Variants in RAVER1 observed in about 807,000 individuals in gnomAD.
RAVER1 encodes ribonucleoprotein PTB-binding 1.
RAVER1 carries 36 observed loss-of-function variants against 68.4 expected under a neutral mutation model. The ratio of observed to expected loss-of-function variants is 0.53; its 90% CI spans 0.40 to 0.70. The LOEUF (loss-of-function observed/expected upper bound fraction) is 0.70, where lower values mean the gene tolerates loss of function less well. Ranked by LOEUF, RAVER1 falls within the 30% of genes least tolerant of loss-of-function variation. The pLI is 0.00. For missense variants in RAVER1, 933 were observed against 1,019.8 expected, an observed-to-expected ratio of 0.91 and a Z score of 1.16; for synonymous variants, 469 against 472.7, an observed-to-expected ratio of 0.99 and a Z score of 0.10.
rs2040454916 is a variant in RAVER1, at chr19:10,323,626, G to C, written c.757-60C>G. The C allele has an allele frequency of 2.0e-6, 3 of 1,516,734 alleles. No homozygotes were observed. Among genetic ancestry groups the C allele is most frequent in the Non-Finnish European group, 2.6e-6 (3 of 1,133,102 alleles). The allele number at this position is 1,516,734 out of a possible 1,614,324, so 94.0% of individuals were successfully genotyped here. A position where few individuals can be genotyped will look rare whatever the true frequency, so the allele number is the denominator to read the frequency against. On this transcript the variant is annotated intron_variant, in intron 3 of 12. Transcript: ENST00000617231. This position sits in a 1 kb window ranked among gnomAD's most constrained non-coding sequence, Gnocchi z 6.2. ...GGCAGCAGTGACTGCACCACCCCGG[G>C]AAGTGACAACCGTAACCAGACTCAG... is the stretch of plus-strand genomic sequence containing the variant.
chr19:10,325,719 A>G (rs909795151), intron 3 of RAVER1, among the ~76,000 whole-genome samples: 1 of 152,092 alleles, frequency 6.6e-6, no homozygotes, highest in Admixed American at 6.6e-5. Context: ...AGGCCAAGGT[A>G]GGAGGATTTC....
At chr19:10,320,523 A>C in intron 9 of RAVER1, 132 bp downstream of exon 9, 1 of 764,450 alleles carries the variant, frequency 1.3e-6, no homozygotes. Context: ...AAAAAAAAAA[A>C]AGCAGAGACC....
At position 10,323,332 on chromosome 19, in the gene RAVER1, G is replaced by A; in HGVS notation, c.948+43C>T. ...CGCTGGGGCCCTGACATCCCCATGG[G>A]GCTCCCATCCCCACCCCGCCACCTC... On this transcript the variant is annotated intron_variant, in intron 4 of 12. Coordinates refer to ENST00000617231, the MANE Select transcript of RAVER1 (RefSeq NM_133452.3). This position sits in a 1 kb window ranked among gnomAD's most constrained non-coding sequence, Gnocchi z 6.2. The A allele has an allele frequency of 6.2e-7, 1 of 1,609,792 alleles. No individual in the cohort carries two copies. The highest frequency in any genetic ancestry group is 8.5e-7 in the Non-Finnish European group (1 of 1,178,124).
rs1046077465 is a variant in RAVER1, at chr19:10,318,154, C to G, written c.1989+75G>C. On this transcript the variant is annotated intron_variant, in intron 11 of 12. Transcript: ENST00000617231. ...GCTTTGGCCTGGGCACCGAGGGTTA[C>G]AGAGCCCCGGTGGCAGGCACCCCCA... The G allele has an allele frequency of 6.6e-6, 9 of 1,362,140 alleles. No homozygotes were observed. In the African/African-American group the frequency reaches 1.3e-4, roughly 20 times the overall value. The allele number at this position is 1,362,140 out of a possible 1,614,324, so 84.4% of individuals were successfully genotyped here.
Position 10,317,313 on chromosome 19 carries a change from G to C in RAVER1, c.*141C>G. 1 of 924,918 alleles carries C rather than the reference G, an allele frequency of 1.1e-6. No individual in the cohort carries two copies. The highest frequency in any genetic ancestry group is 1.4e-5 in the South Asian group (1 of 69,286). The allele number at this position is 924,918 out of a possible 1,614,324, so 57.3% of individuals were successfully genotyped here. On this transcript the variant is annotated 3_prime_UTR_variant, in exon 13 of 13. Transcript: ENST00000617231. The surrounding 1 kb of genome is among the most constrained non-coding windows in gnomAD (Gnocchi z 4.3). ...CACCCCTTGGGCTCCTGGGGCTCCG[G>C]CTGATTGGTCAGTAAAGTCTTTCAG...
At position 10,317,646 on chromosome 19, in the gene RAVER1, G is replaced by T; in HGVS notation, c.2073+44C>A. On this transcript the variant is annotated intron_variant, in intron 12 of 12. Coordinates refer to ENST00000617231, the MANE Select transcript of RAVER1 (RefSeq NM_133452.3). This position sits in a 1 kb window ranked among gnomAD's most constrained non-coding sequence, Gnocchi z 4.3. ...GGGGCGGGTCAGGGGCCGCTGGGGGGCCGGGGCTTCCCAGCCCTGCATGTC... is the reference window on the plus strand; with the variant it reads ...GGGGCGGGTCAGGGGCCGCTGGGGGTCCGGGGCTTCCCAGCCCTGCATGTC... 1 of 1,539,132 alleles carries T rather than the reference G, an allele frequency of 6.5e-7. No homozygotes were observed. Among genetic ancestry groups the T allele is most frequent in the African/African-American group, 1.4e-5 (1 of 73,348 alleles).
At chr19:10,318,119 C>G (rs1386104998) in intron 11 of RAVER1, 110 bp downstream of exon 11, 1 of 950,788 alleles carries the variant, frequency 1.1e-6, no homozygotes, top group Non-Finnish European at 1.6e-6. Context: ...CAACCCCTGC[C>G]ACCACCCCAG....
At position 10,322,300 on chromosome 19, in the gene RAVER1, C is replaced by T. The variant is rs969062572; in HGVS notation, c.1173+345G>A. 3 of 311,084 alleles carry T rather than the reference C, an allele frequency of 9.6e-6. No homozygotes were observed. Among genetic ancestry groups the T allele is most frequent in the Middle Eastern group, 9.0e-4 (1 of 1,114 alleles). The allele number at this position is 311,084 out of a possible 1,614,324, so 19.3% of individuals were successfully genotyped here. A position where few individuals can be genotyped will look rare whatever the true frequency, so the allele number is the denominator to read the frequency against. On this transcript the variant is annotated intron_variant, in intron 6 of 12. Transcript: ENST00000617231. This position sits in a 1 kb window ranked among gnomAD's most constrained non-coding sequence, Gnocchi z 4.3. ...TTCCCAGGCATGTCTATAGAGCTTC[C>T]GAGCAGAGTCTATTCACAAACTGGT... is the stretch of plus-strand genomic sequence containing the variant.
At chr19:10,319,077 G>T in intron 10 of RAVER1, 89 bp downstream of exon 10, 2 of 1,208,252 alleles carry the variant, frequency 1.7e-6, no homozygotes, top group East Asian at 2.5e-5. Flanking sequence ...CAAAATACAA[G>T]GTCTGCTGTT....
In RAVER1 at chr19:10,333,281, C is replaced by A. The variant is rs778211823; in HGVS notation, c.219+8G>T. On this transcript the variant is annotated splice_region_variant and intron_variant, in intron 1 of 12. Coordinates refer to ENST00000617231, the MANE Select transcript of RAVER1 (RefSeq NM_133452.3). The surrounding 1 kb of genome is among the most constrained non-coding windows in gnomAD (Gnocchi z 4.2). ...CCCGCCACGCTCCTACACCGCCCCC[C>A]CCAATACCTGGTTGGTCACGTCCCC... The A allele has an allele frequency of 6.2e-6, 10 of 1,612,326 alleles. No individual in the cohort carries two copies. Among genetic ancestry groups the A allele is most frequent in the Admixed American group, 1.7e-5 (1 of 59,930 alleles).
chr19:10,324,427 CG>C (rs768133014), intron 3 of RAVER1, among the ~76,000 whole-genome samples: 26 of 152,154 alleles, frequency 1.7e-4, no homozygotes, highest in Admixed American at 5.2e-4. Flanking sequence ...TCTGTCACCC[CG>C]GAGTGCAGTG....
Position 10,317,937 on chromosome 19 carries a change from C to G in RAVER1, c.1990-164G>C, listed in dbSNP as rs1307200477. ...GCTATAAGACCTAGGGCCAATTGCT[C>G]CATTTTATTTGAGCCTCGGTTTTCT... On this transcript the variant is annotated intron_variant, in intron 11 of 12. Transcript: ENST00000617231. This position sits in a 1 kb window ranked among gnomAD's most constrained non-coding sequence, Gnocchi z 4.3. 6.6e-6 allele frequency among the ~76,000 whole-genome samples: 1 copy of G among 151,698 alleles called. No homozygotes were observed. Among genetic ancestry groups the G allele is most frequent in the East Asian group, 1.9e-4 (1 of 5,156 alleles).
Position 10,323,341 on chromosome 19 carries a change from C to A in RAVER1, c.948+34G>T, listed in dbSNP as rs761835778. 4 of 1,607,980 alleles carry A rather than the reference C, an allele frequency of 2.5e-6. No individual in the cohort carries two copies. The highest frequency in any genetic ancestry group is 2.5e-6 in the Non-Finnish European group (3 of 1,177,356). On this transcript the variant is annotated intron_variant, in intron 4 of 12. Coordinates refer to ENST00000617231, the MANE Select transcript of RAVER1 (RefSeq NM_133452.3). The surrounding 1 kb of genome is among the most constrained non-coding windows in gnomAD (Gnocchi z 6.2). ...CCTGACATCCCCATGGGGCTCCCATCCCCACCCCGCCACCTCTGCCCGCAC... is the reference window on the plus strand; with the variant it reads ...CCTGACATCCCCATGGGGCTCCCATACCCACCCCGCCACCTCTGCCCGCAC...
Position 10,322,782 on chromosome 19 carries a change from T to C in RAVER1, c.1079-43A>G. 1 of 1,188,038 alleles carries C rather than the reference T, an allele frequency of 8.4e-7. No homozygotes were observed. The highest frequency in any genetic ancestry group is 1.1e-6 in the Non-Finnish European group (1 of 884,696). 73.6% of individuals were successfully genotyped at this position (1,188,038 alleles called of 1,614,324 possible). On this transcript the variant is annotated intron_variant, in intron 5 of 12. Transcript: ENST00000617231. This position sits in a 1 kb window ranked among gnomAD's most constrained non-coding sequence, Gnocchi z 4.3. ...AGGATGTGTGGGGGTCCCTGTGTCC[T>C]CCCTGCCCCACCTCACGAAACACAG...
chr19:10,320,690 C>G lies in RAVER1; in HGVS notation c.1735G>C (p.Gly579Arg). 1.9e-6 allele frequency: 3 copies of G among 1,551,610 alleles called. No individual in the cohort carries two copies. The highest frequency in any genetic ancestry group is 2.6e-6 in the Non-Finnish European group (3 of 1,154,566). ...TCGAAGCTGTAGCTGTCAGACAGTCCTGGTTCGGGGGGCAGGCGGGCGCTG... is the reference window on the plus strand; with the variant it reads ...TCGAAGCTGTAGCTGTCAGACAGTCGTGGTTCGGGGGGCAGGCGGGCGCTG... ...LSSARLPPEP[G>R]LSDSYSFDYP... The change falls in exon 9 of 13, where the codon GGA (glycine) becomes CGA (arginine). Residue 579 changes from glycine to arginine, a missense_variant. By Grantham distance (125) the Gly-to-Arg change is moderately radical (BLOSUM62 -2). Transcript: ENST00000617231.
chr19:10,331,274 C>G (rs1176967993), intron 1 of RAVER1, among the ~76,000 whole-genome samples: 3 of 147,090 alleles, frequency 2.0e-5, no homozygotes, highest in Non-Finnish European at 4.5e-5. Context: ...GGCGTGAACC[C>G]GGGAAGCAGA....
chr19:10,319,278 T>G, intron 9 of RAVER1, 38 bp from the exon 10 acceptor site: 1 of 1,593,654 alleles, frequency 6.3e-7, no homozygotes. Flanking sequence ...GGTTGGAGTC[T>G]GTCCCAGCCT....
chr19:10,317,550 G>A lies in RAVER1; in HGVS notation c.2124C>T (p.Pro708=), dbSNP rs200041656. 6.1e-4 allele frequency: 983 copies of A among 1,613,238 alleles called. 5 individuals carry two copies. In the East Asian group the frequency reaches 9.5e-3, roughly 16 times the overall value. ...CATAGCTGCCTTCTGGGCTGGGCTC[G>A]GGCGAGGGCAGCAGGTGGGCAAAGC... The part of the protein sequence containing the change: ...KRSFAHLLPS[P]EPSPEGSYVG... Residue 708 remains proline (P), a synonymous_variant, in exon 13 of 13, where the codon CCC becomes CCT. Coordinates refer to ENST00000617231, the MANE Select transcript of RAVER1 (RefSeq NM_133452.3). This position sits in a 1 kb window ranked among gnomAD's most constrained non-coding sequence, Gnocchi z 4.3.
rs185276050 is a variant in RAVER1 at position 10,326,596 on chromosome 19, C to T, written c.756+2046G>A. Among the ~76,000 whole-genome samples the T allele has an allele frequency of 7.1e-3, 1,079 of 151,966 alleles. 13 individuals carry two copies. The highest frequency in any genetic ancestry group is 0.024 in the African/African-American group (1,001 of 41,466). Reference sequence around the variant, plus strand: ...AGTAGCTGAGATTACAGGCGCGTGGCGCCATGCCTGGCTACCTTTTTTTTT... The same window carrying T: ...AGTAGCTGAGATTACAGGCGCGTGGTGCCATGCCTGGCTACCTTTTTTTTT... On this transcript the variant is annotated intron_variant, in intron 3 of 12. Transcript: ENST00000617231.
Sources: allele counts gnomAD v4.1 joint callset (sites outside exome capture counted in the v4.1 genomes callset), GRCh38; gene constraint gnomAD v4.1.1; non-coding constraint Gnocchi (gnomAD v3.1); transcripts MANE v1.5; gene names NCBI Gene and HGNC (gene_info 2026-07-23, HGNC 2026-07-21).